The following TNFRSF19 variants were observed in gnomAD, a reference collection of about 807,000 sequenced individuals.
The protein encoded by TNFRSF19 is tumor necrosis factor receptor superfamily member 19.
Under a neutral mutation model 46.4 loss-of-function variants are expected in TNFRSF19, and 27 were observed. The observed-to-expected ratio is 0.58, with a 90% confidence interval of 0.43 to 0.80. The LOEUF (loss-of-function observed/expected upper bound fraction) is 0.80, where lower values mean the gene tolerates loss of function less well. Ranked by LOEUF, TNFRSF19 falls within the 30% of genes least tolerant of loss-of-function variation. The pLI, the probability that TNFRSF19 is intolerant of heterozygous loss-of-function variation, is 0.00. For missense variants in TNFRSF19, 511 were observed against 530.8 expected (o/e 0.96, Z 0.37); for synonymous variants, 204 against 205.0 (o/e 1.00, Z 0.04).
chr13:23,602,537 C>T (rs1880232970), intron 3 of TNFRSF19, among the ~76,000 whole-genome samples: 1 of 152,118 alleles, frequency 6.6e-6, no homozygotes, highest in Non-Finnish European at 1.5e-5. Flanking sequence ...TAGACAACTT[C>T]ATTCAGCAAC....
At chr13:23,648,641 G>T (rs1434837763) in intron 5 of TNFRSF19, among the ~76,000 whole-genome samples, 4 of 152,164 alleles carry the variant, frequency 2.6e-5, no homozygotes, top group African/African-American at 7.2e-5. Flanking sequence ...ATTGGTAAAA[G>T]TGGGTATCCT....
chr13:23,666,994 T>C (rs1951646657), intron 7 of TNFRSF19, among the ~76,000 whole-genome samples: 2 of 152,308 alleles, frequency 1.3e-5, no homozygotes, highest in South Asian at 2.1e-4. Flanking sequence ...TATATGTAGA[T>C]GTATAATTTC....
chr13:23,603,195 A>G (rs143782915), intron 3 of TNFRSF19, among the ~76,000 whole-genome samples: 1 of 152,188 alleles, frequency 6.6e-6, no homozygotes, highest in African/African-American at 2.4e-5. Context: ...AAATGCTGTG[A>G]ACAACTCAGT....
At chr13:23,589,316 T>C (rs1295876573) in intron 1 of TNFRSF19, among the ~76,000 whole-genome samples, 1 of 152,228 alleles carries the variant, frequency 6.6e-6, no homozygotes, top group Non-Finnish European at 1.5e-5. Flanking sequence ...TTATCTTGTA[T>C]TGAAATGTTA....
intron 5 of TNFRSF19, among the ~76,000 whole-genome samples, chr13:23,633,173 A>G (rs1406422025): frequency 6.8e-6 from 1 of 147,068 alleles, no homozygotes; most frequent in Non-Finnish European, 1.5e-5. Flanking sequence ...GCAGTGGTGC[A>G]ATCACCACAG....
intron 4 of TNFRSF19, among the ~76,000 whole-genome samples, chr13:23,625,598 G>A (rs1197643179): frequency 2.0e-5 from 3 of 152,120 alleles, no homozygotes; most frequent in East Asian, 3.8e-4. Flanking sequence ...AAAGTGCTGG[G>A]ATTACAGGCG....
Position 23,593,449 on chromosome 13 carries a change from G to T in TNFRSF19, c.174G>T (p.Leu58Phe). 6.3e-7 allele frequency: 1 copy of T among 1,598,566 alleles called. No homozygotes were observed. ...PCNQCGPGME[L>F]SKECGFGYGE... ...ACCAGTGTGGGCCAGGCATGGAGTT[G>T]TCTAAGGTATATTGGATACATGGCA... Residue 58 changes from leucine to phenylalanine, a missense_variant, in exon 3 of 10, where the codon TTG (leucine) becomes TTT (phenylalanine). Transcript: ENST00000248484.
chr13:23,617,240 G>A (rs1422202534), intron 4 of TNFRSF19, among the ~76,000 whole-genome samples: 3 of 152,160 alleles, frequency 2.0e-5, no homozygotes, highest in Non-Finnish European at 4.4e-5. Context: ...GAGGCGTGCA[G>A]TACACCAAGT....
intron 1 of TNFRSF19, among the ~76,000 whole-genome samples, chr13:23,577,743 T>G (rs1878059688): frequency 6.6e-6 from 1 of 152,146 alleles, no homozygotes; most frequent in Non-Finnish European, 1.5e-5. Context: ...CGGCGCAGTT[T>G]ATAAAGCCTG....
At chr13:23,579,695 C>G (rs1593226279) in intron 1 of TNFRSF19, among the ~76,000 whole-genome samples, 1 of 152,198 alleles carries the variant, frequency 6.6e-6, no homozygotes, top group Non-Finnish European at 1.5e-5. Context: ...CGAAGGGAAC[C>G]CCCGAAGGGG....
At chr13:23,573,910 A>C (rs1270390951) in intron 1 of TNFRSF19, among the ~76,000 whole-genome samples, 12 of 151,872 alleles carry the variant, frequency 7.9e-5, no homozygotes, top group Non-Finnish European at 1.6e-4. Flanking sequence ...AAAATACAAA[A>C]AATTAGCCGG....
intron 1 of TNFRSF19, among the ~76,000 whole-genome samples, chr13:23,575,112 A>G (rs1466481269): frequency 1.3e-5 from 2 of 152,224 alleles, no homozygotes; most frequent in Non-Finnish European, 2.9e-5. Context: ...CTGCCCAGCC[A>G]GCCTGGCCTC....
At chr13:23,648,143 C>A (rs149126352) in intron 5 of TNFRSF19, among the ~76,000 whole-genome samples, 3,348 of 152,252 alleles carry the variant, frequency 0.022, 39 homozygotes, top group Middle Eastern at 0.051. Flanking sequence ...TGAATTTTGA[C>A]AGGAATTGCA....
intron 5 of TNFRSF19, 113 bp downstream of exon 5, chr13:23,626,905 G>A (rs2138292560): frequency 1.1e-6 from 1 of 928,612 alleles, no homozygotes; most frequent in Non-Finnish European, 1.6e-6. Context: ...TCTCCTGTGG[G>A]GTGTACAGTG....
chr13:23,616,129 G>C lies in TNFRSF19; in HGVS notation c.359+84G>C, dbSNP rs1433178772. Reference sequence around the variant, plus strand: ...AATTCCCTTGTTCCATTCTAAACTGGAATGCATGCTGGTATTAACCTGAAG... The same window carrying C: ...AATTCCCTTGTTCCATTCTAAACTGCAATGCATGCTGGTATTAACCTGAAG... On this transcript the variant is annotated intron_variant, in intron 4 of 9. Transcript: ENST00000248484. 3 of 1,380,248 alleles carry C rather than the reference G, an allele frequency of 2.2e-6. No homozygotes were observed. The East Asian group carries it at 7.3e-5, about 34-fold the overall frequency. The allele number at this position is 1,380,248 out of a possible 1,614,324, so 85.5% of individuals were successfully genotyped here. A position where few individuals can be genotyped will look rare whatever the true frequency, so the allele number is the denominator to read the frequency against.
chr13:23,618,725 G>A (rs773995032), intron 4 of TNFRSF19, among the ~76,000 whole-genome samples: 9 of 152,204 alleles, frequency 5.9e-5, no homozygotes, highest in Admixed American at 1.3e-4. Flanking sequence ...GTTCGTAGCA[G>A]CAGTTTACGT....
chr13:23,672,398 C>T (rs1237069330), intron 9 of TNFRSF19, among the ~76,000 whole-genome samples: 1 of 152,166 alleles, frequency 6.6e-6, no homozygotes, highest in Non-Finnish European at 1.5e-5. Flanking sequence ...AAAATGTCAA[C>T]AGGAACAGAC....
At chr13:23,628,510 G>T (rs892108981) in intron 5 of TNFRSF19, among the ~76,000 whole-genome samples, 6 of 152,172 alleles carry the variant, frequency 3.9e-5, no homozygotes, top group Admixed American at 1.3e-4. Context: ...CAGAGATTCC[G>T]TGAAGTCAGT....
intron 3 of TNFRSF19, among the ~76,000 whole-genome samples, chr13:23,603,206 GC>G (rs1334119954): frequency 6.6e-6 from 1 of 152,004 alleles, no homozygotes; most frequent in East Asian, 1.9e-4. Context: ...ACAACTCAGT[GC>G]CCACACATTT....
Sources: allele counts gnomAD v4.1 joint callset (sites outside exome capture counted in the v4.1 genomes callset), GRCh38; gene constraint gnomAD v4.1.1; transcripts MANE v1.5; gene names NCBI Gene and HGNC (gene_info 2026-07-23, HGNC 2026-07-21).